LRRTM4: variants seen among roughly 807,000 people sequenced by gnomAD.
LRRTM4 encodes leucine-rich repeat transmembrane neuronal protein 4.
Under a neutral mutation model 47.6 loss-of-function variants are expected in LRRTM4, and 25 were observed. The observed-to-expected ratio is 0.53, with a 90% CI of 0.38 to 0.73. The LOEUF is 0.73. Ranked by LOEUF, LRRTM4 falls within the 30% of genes least tolerant of loss-of-function variation. The pLI, the probability that LRRTM4 is intolerant of heterozygous loss-of-function variation, is 0.00. For missense variants in LRRTM4, 638 were observed against 713.4 expected (o/e 0.89, Z 1.20); for synonymous variants, 311 against 269.5 (o/e 1.15, Z -1.51).
At chr2:77,168,782 G>A (rs1285532766) in intron 3 of LRRTM4, among the ~76,000 whole-genome samples, 2 of 152,060 alleles carry the variant, frequency 1.3e-5, no homozygotes, top group Non-Finnish European at 2.9e-5. Context: ...ACGTATGAAT[G>A]AGAACATGTG....
chr2:77,269,879 C>T (rs1573173308), intron 3 of LRRTM4, among the ~76,000 whole-genome samples: 1 of 152,228 alleles, frequency 6.6e-6, no homozygotes, highest in Non-Finnish European at 1.5e-5. Flanking sequence ...TTGAACTAAA[C>T]TCCAGGATCC....
chr2:76,957,957 T>C (rs1005038320), intron 3 of LRRTM4, among the ~76,000 whole-genome samples: 10 of 151,760 alleles, frequency 6.6e-5, no homozygotes, highest in African/African-American at 2.4e-4. Context: ...TATTTATATA[T>C]AATTTTAATC....
chr2:77,249,148 G>A (rs1573140372), intron 3 of LRRTM4, among the ~76,000 whole-genome samples: 2 of 151,946 alleles, frequency 1.3e-5, no homozygotes, highest in Non-Finnish European at 2.9e-5. Context: ...TTGGTAGTTT[G>A]AGACCAGCCT....
intron 3 of LRRTM4, among the ~76,000 whole-genome samples, chr2:77,431,706 C>T (rs1263751043): frequency 6.7e-6 from 1 of 149,124 alleles, no homozygotes; most frequent in Non-Finnish European, 1.5e-5. Flanking sequence ...AACTTACGTG[C>T]TTCCAAAATT....
intron 3 of LRRTM4, among the ~76,000 whole-genome samples, chr2:76,974,521 T>C (rs1336949784): frequency 2.2e-5 from 3 of 133,932 alleles, no homozygotes; most frequent in Non-Finnish European, 4.7e-5. Context: ...ACCATTGTGA[T>C]ACACACATAT....
At chr2:77,011,022 A>C (rs1677850993) in intron 3 of LRRTM4, among the ~76,000 whole-genome samples, 2 of 152,128 alleles carry the variant, frequency 1.3e-5, no homozygotes, top group Non-Finnish European at 1.5e-5. Flanking sequence ...AAAGGTAATG[A>C]CCAATTTTTG....
At chr2:76,941,461 C>T (rs1391863157) in intron 3 of LRRTM4, among the ~76,000 whole-genome samples, 1 of 152,048 alleles carries the variant, frequency 6.6e-6, no homozygotes, top group African/African-American at 2.4e-5. Context: ...TTATCCGTCC[C>T]CTTGCCCCTA....
chr2:77,133,435 A>G (rs6547123), intron 3 of LRRTM4, among the ~76,000 whole-genome samples: 55,842 of 152,008 alleles, frequency 0.37, 11,501 homozygotes, highest in African/African-American at 0.56. Context: ...AAAGAAATAT[A>G]AGACAAAAAT....
At chr2:76,951,714 AT>A (rs2103887877) in intron 3 of LRRTM4, among the ~76,000 whole-genome samples, 1 of 152,010 alleles carries the variant, frequency 6.6e-6, no homozygotes, top group East Asian at 2.0e-4. Context: ...TGCTGCACCT[AT>A]CAACCCATCA....
At chr2:76,795,875 G>A (rs537804938) in intron 3 of LRRTM4, among the ~76,000 whole-genome samples, 1,662 of 152,026 alleles carry the variant, frequency 0.011, 44 homozygotes, top group African/African-American at 0.038. Flanking sequence ...CGCAGAAGAC[G>A]GGTGATTTCT....
intron 3 of LRRTM4, among the ~76,000 whole-genome samples, chr2:77,388,168 A>C (rs1399224611): frequency 6.6e-6 from 1 of 152,128 alleles, no homozygotes; most frequent in Non-Finnish European, 1.5e-5. Flanking sequence ...CTTTAAAAAA[A>C]AAAAAAAGTC....
chr2:77,373,251 A>C (rs1672717686), intron 3 of LRRTM4, among the ~76,000 whole-genome samples: 1 of 151,258 alleles, frequency 6.6e-6, no homozygotes, highest in African/African-American at 2.4e-5. Context: ...GACTTTTTAT[A>C]AACTAAATGG....
chr2:76,790,693 G>C (rs1573108175), intron 3 of LRRTM4, among the ~76,000 whole-genome samples: 2 of 151,602 alleles, frequency 1.3e-5, no homozygotes, highest in East Asian at 3.9e-4. Flanking sequence ...TTACTTAATT[G>C]GATAGACCCC....
intron 3 of LRRTM4, among the ~76,000 whole-genome samples, chr2:77,328,623 A>T (rs1181391142): frequency 6.6e-6 from 1 of 152,182 alleles, no homozygotes; most frequent in African/African-American, 2.4e-5. Flanking sequence ...ATAACTTCTC[A>T]AATATTTTAT....
chr2:77,130,604 C>T (rs371049459), intron 3 of LRRTM4, among the ~76,000 whole-genome samples: 9 of 151,326 alleles, frequency 5.9e-5, no homozygotes, highest in Non-Finnish European at 1.2e-4. Flanking sequence ...CTCCGCCTCC[C>T]GGGTTCACAC....
intron 3 of LRRTM4, among the ~76,000 whole-genome samples, chr2:77,205,380 TG>T (rs547105633): frequency 1.3e-5 from 2 of 152,148 alleles, no homozygotes; most frequent in Non-Finnish European, 2.9e-5. Flanking sequence ...AGGTAATGAC[TG>T]GGGTTTTCTT....
intron 3 of LRRTM4, among the ~76,000 whole-genome samples, chr2:76,907,489 A>G (rs1474710458): frequency 1.5e-4 from 22 of 147,366 alleles, no homozygotes; most frequent in African/African-American, 4.8e-4. Context: ...AAATAACTAA[A>G]ATCAGAGCAG....
intron 3 of LRRTM4, among the ~76,000 whole-genome samples, chr2:76,759,404 C>T (rs1363174717): frequency 6.6e-6 from 1 of 152,100 alleles, no homozygotes; most frequent in East Asian, 1.9e-4. Context: ...GTTGGGAGTG[C>T]TGAAGTTACT....
chr2:76,864,531 C>A (rs1181569975), intron 3 of LRRTM4, among the ~76,000 whole-genome samples: 1 of 151,876 alleles, frequency 6.6e-6, no homozygotes. Flanking sequence ...GTGGCGCATG[C>A]CTGTAATCCC....
Sources: gnomAD v4.1 joint callset for allele counts (sites outside exome capture counted in the v4.1 genomes callset) on GRCh38, gnomAD v4.1.1 for gene constraint, MANE v1.5 for transcripts, NCBI Gene and HGNC (gene_info 2026-07-23, HGNC 2026-07-21) for gene names.